The following NEURL1 variants were observed in gnomAD, a reference collection of about 807,000 sequenced individuals.
NEURL1 encodes E3 ubiquitin-protein ligase NEURL1.
NEURL1 carries 26 observed loss-of-function variants against 41.2 expected under a neutral mutation model. The ratio of observed to expected loss-of-function variants is 0.63; its 90% CI spans 0.46 to 0.87. NEURL1 has a LOEUF of 0.87. Among genes scored for constraint, NEURL1 ranks in the 40% least tolerant of loss-of-function variants. NEURL1 has a pLI of 0.00. For synonymous variants in NEURL1, 400 were observed against 402.3 expected, an observed-to-expected ratio of 0.99 and a Z score of 0.07; for missense variants, 761 against 871.1, an observed-to-expected ratio of 0.87 and a Z score of 1.59.
At chr10:103,527,061 T>A (rs2034475103) in intron 1 of NEURL1, among the ~76,000 whole-genome samples, 1 of 152,084 alleles carries the variant, frequency 6.6e-6, no homozygotes, top group Admixed American at 6.6e-5. Context: ...ATATGCTAAA[T>A]TAGGGGTGGA....
intron 1 of NEURL1, among the ~76,000 whole-genome samples, chr10:103,527,591 G>C (rs951645064): frequency 1.4e-4 from 22 of 152,138 alleles, no homozygotes; most frequent in Middle Eastern, 6.8e-3. Flanking sequence ...CACTGCACCT[G>C]GCCTATTGTA....
chr10:103,540,941 C>T (rs1308738072), intron 1 of NEURL1, among the ~76,000 whole-genome samples: 1 of 152,242 alleles, frequency 6.6e-6, no homozygotes, highest in Non-Finnish European at 1.5e-5. Flanking sequence ...GTTGCTCCCA[C>T]ATGGGGATGC....
chr10:103,537,912 C>G (rs186229464), intron 1 of NEURL1, among the ~76,000 whole-genome samples: 13 of 152,040 alleles, frequency 8.6e-5, no homozygotes, highest in African/African-American at 3.1e-4. Flanking sequence ...CTGCACCCCC[C>G]GCCTCTGCCA....
At chr10:103,523,880 A>G (rs2034408507) in intron 1 of NEURL1, among the ~76,000 whole-genome samples, 1 of 152,198 alleles carries the variant, frequency 6.6e-6, no homozygotes, top group African/African-American at 2.4e-5. Flanking sequence ...TATCTTGGCT[A>G]TTATGAAGAG....
intron 1 of NEURL1, among the ~76,000 whole-genome samples, chr10:103,519,505 A>G (rs1391110681): frequency 1.3e-5 from 2 of 152,204 alleles, no homozygotes; most frequent in Non-Finnish European, 2.9e-5. Context: ...AGTGCATAAT[A>G]TAACCACAGT....
In NEURL1 at chr10:103,494,171, GCC is replaced by G. The variant is rs2033622367; in HGVS notation, c.-216_-215del. On this transcript the variant is annotated 5_prime_UTR_variant, in exon 1 of 6. Coordinates refer to ENST00000369780, the MANE Select transcript of NEURL1 (RefSeq NM_004210.5). Reference sequence around the variant, plus strand: ...CGGGGCATGGGAGGCAGGTAGCCCAGCCTGCGCCAGGACACCCGTGGCGGGCG... The same window carrying G: ...CGGGGCATGGGAGGCAGGTAGCCCAGTGCGCCAGGACACCCGTGGCGGGCG... 6.2e-6 allele frequency: 3 copies of G among 482,842 alleles called. No individual in the cohort carries two copies. The highest frequency in any genetic ancestry group is 1.1e-5 in the Non-Finnish European group (3 of 275,002). The allele number at this position is 482,842 out of a possible 1,614,324, so 29.9% of individuals were successfully genotyped here.
At position 103,585,099 on chromosome 10, in the gene NEURL1, G is replaced by A. The variant is rs201438416; in HGVS notation, c.1213G>A (p.Ala405Thr). The A allele has an allele frequency of 1.3e-6, 2 of 1,589,588 alleles. No individual in the cohort carries two copies. Among genetic ancestry groups the A allele is most frequent in the East Asian group, 2.3e-5 (1 of 44,368 alleles). ...SGDILGLVVN[A>T]DGELHLSHNG... ...CGACATCCTGGGCCTGGTGGTCAAC[G>A]CCGACGGCGAGCTGCACCTCAGCCA... The change falls in exon 4 of 6, where the codon GCC becomes ACC. Residue 405 changes from alanine (A) to threonine (T), a missense_variant. By Grantham distance (58) the Ala-to-Thr change is moderately conservative (BLOSUM62 0). Transcript: ENST00000369780.
At position 103,584,698 on chromosome 10, in the gene NEURL1, G is replaced by T; in HGVS notation, c.812G>T (p.Cys271Phe). The T allele has an allele frequency of 6.9e-7, 1 of 1,449,356 alleles. No individual in the cohort carries two copies. Among genetic ancestry groups the T allele is most frequent in the Admixed American group, 2.6e-5 (1 of 38,710 alleles). The allele number at this position is 1,449,356 out of a possible 1,614,324, so 89.8% of individuals were successfully genotyped here. A position where few individuals can be genotyped will look rare whatever the true frequency, so the allele number is the denominator to read the frequency against. The change falls in exon 4 of 6, where the codon TGC becomes TTC. Residue 271 changes from cysteine to phenylalanine, a missense_variant. Transcript: ENST00000369780. Reference sequence around the variant, plus strand: ...GACGAGGCCGCGCCGGCCGCCGGCTGCCCCATCCCGCAGAACTCACTCAAC... The same window carrying T: ...GACGAGGCCGCGCCGGCCGCCGGCTTCCCCATCCCGCAGAACTCACTCAAC... ...DGDEAAPAAGCPIPQNSLNSQ... is the reference protein window; with the variant it reads ...DGDEAAPAAGFPIPQNSLNSQ...
At chr10:103,502,023 T>C (rs917386242) in intron 1 of NEURL1, among the ~76,000 whole-genome samples, 1 of 152,208 alleles carries the variant, frequency 6.6e-6, no homozygotes, top group Non-Finnish European at 1.5e-5. Flanking sequence ...TGCTTCAGCC[T>C]CCTGAGTAAC....
chr10:103,585,104 C>T lies in NEURL1; in HGVS notation c.1218C>T (p.Asp406=), dbSNP rs1297661703. ...GDILGLVVNA[D]GELHLSHNGA... Reference sequence around the variant, plus strand: ...TCCTGGGCCTGGTGGTCAACGCCGACGGCGAGCTGCACCTCAGCCACAATG... The same window carrying T: ...TCCTGGGCCTGGTGGTCAACGCCGATGGCGAGCTGCACCTCAGCCACAATG... Residue 406 remains aspartate (D), a synonymous_variant, in exon 4 of 6, where the codon GAC becomes GAT. Coordinates refer to ENST00000369780, the MANE Select transcript of NEURL1 (RefSeq NM_004210.5). 3 of 1,589,926 alleles carry T rather than the reference C, an allele frequency of 1.9e-6. No individual in the cohort carries two copies. Among genetic ancestry groups the T allele is most frequent in the South Asian group, 1.1e-5 (1 of 89,338 alleles).
intron 4 of NEURL1, chr10:103,588,982 A>G (rs1385284548): frequency 4.6e-6 from 2 of 434,700 alleles, no homozygotes; most frequent in African/African-American, 4.3e-5. Context: ...TGAGTGACGG[A>G]AGGAGGAAGG....
Position 103,558,289 on chromosome 10 carries a change from A to T in NEURL1, c.86-12583A>T. 1 of 976,604 alleles carries T rather than the reference A, an allele frequency of 1.0e-6. No individual in the cohort carries two copies. Among genetic ancestry groups the T allele is most frequent in the Non-Finnish European group, 1.2e-6 (1 of 821,920 alleles). 60.5% of individuals were successfully genotyped at this position (976,604 alleles called of 1,614,324 possible). Reference sequence around the variant, plus strand: ...GTGACAGGAGGACCCAGGACTCTGTATGTGTGTCGGGGGTCATCTAATTGT... The same window carrying T: ...GTGACAGGAGGACCCAGGACTCTGTTTGTGTGTCGGGGGTCATCTAATTGT... On this transcript the variant is annotated intron_variant, in intron 1 of 5. Coordinates refer to ENST00000369780, the MANE Select transcript of NEURL1 (RefSeq NM_004210.5). The surrounding 1 kb of genome is among the most constrained non-coding windows in gnomAD (Gnocchi z 4.2).
chr10:103,526,455 A>C (rs1011743157), intron 1 of NEURL1, among the ~76,000 whole-genome samples: 1 of 151,758 alleles, frequency 6.6e-6, no homozygotes, highest in Non-Finnish European at 1.5e-5. Flanking sequence ...TCTTGGTTCA[A>C]TCTTGGTAGA....
At chr10:103,555,806 G>A (rs1224246142) in intron 1 of NEURL1, among the ~76,000 whole-genome samples, 1 of 152,228 alleles carries the variant, frequency 6.6e-6, no homozygotes, top group Non-Finnish European at 1.5e-5. Flanking sequence ...CCGGGACGGA[G>A]GCAGCCACAG....
chr10:103,558,111 C>T lies in NEURL1; in HGVS notation c.86-12761C>T, dbSNP rs1220108372. 1 of 843,132 alleles carries T rather than the reference C, an allele frequency of 1.2e-6. No individual in the cohort carries two copies. Among genetic ancestry groups the T allele is most frequent in the Non-Finnish European group, 1.4e-6 (1 of 700,138 alleles). The allele number at this position is 843,132 out of a possible 1,614,324, so 52.2% of individuals were successfully genotyped here. On this transcript the variant is annotated intron_variant, in intron 1 of 5. Transcript: ENST00000369780. The surrounding 1 kb of genome is among the most constrained non-coding windows in gnomAD (Gnocchi z 4.2). ...GTCAGGCTGGTCTTGAATTCCTGAC[C>T]TCGTGATCCACCTGTGTCGGCCTCC...
At chr10:103,587,866 A>G (rs2035954183) in intron 4 of NEURL1, among the ~76,000 whole-genome samples, 1 of 152,242 alleles carries the variant, frequency 6.6e-6, no homozygotes, top group Admixed American at 6.5e-5. Flanking sequence ...GTGGGCATCT[A>G]TTGAATATTC....
intron 1 of NEURL1, among the ~76,000 whole-genome samples, chr10:103,496,243 T>G (rs1464199763): frequency 6.6e-6 from 1 of 152,218 alleles, no homozygotes; most frequent in Non-Finnish European, 1.5e-5. Flanking sequence ...TTATTTATAC[T>G]AGGTGGATAA....
intron 1 of NEURL1, among the ~76,000 whole-genome samples, chr10:103,531,777 C>T (rs1000094407): frequency 5.3e-5 from 8 of 152,050 alleles, no homozygotes; most frequent in Non-Finnish European, 7.4e-5. Context: ...GCCTCAGTCT[C>T]CCAAAGTGCT....
Position 103,590,558 on chromosome 10 carries a change from G to C in NEURL1, c.*186G>C. ...GGGTATCAGGCAGGGAGGGGGCAGA[G>C]GCAAATCACCGGGCAGAGGGAGGGG... On this transcript the variant is annotated 3_prime_UTR_variant, in exon 6 of 6. Transcript: ENST00000369780. 1 of 601,638 alleles carries C rather than the reference G, an allele frequency of 1.7e-6. No homozygotes were observed. The allele number at this position is 601,638 out of a possible 1,614,324, so 37.3% of individuals were successfully genotyped here.
Sources: allele counts gnomAD v4.1 joint callset (sites outside exome capture counted in the v4.1 genomes callset), GRCh38; gene constraint gnomAD v4.1.1; non-coding constraint Gnocchi (gnomAD v3.1); transcripts MANE v1.5; gene names NCBI Gene and HGNC (gene_info 2026-07-23, HGNC 2026-07-21).